Variants in GPC6 observed in about 807,000 individuals in gnomAD.
GPC6 encodes the protein glypican-6.
GPC6 carries 14 observed loss-of-function variants against 55.2 expected under a neutral mutation model. The ratio of observed to expected loss-of-function variants is 0.25; its 90% CI spans 0.17 to 0.40. GPC6 has a LOEUF of 0.40. Ranked by LOEUF, GPC6 falls within the 10% of genes least tolerant of loss-of-function variation. The probability of loss-of-function intolerance (pLI) is 1.00; values close to 1 mark genes in which losing one functional copy is unlikely to be tolerated. For missense variants in GPC6, 641 were observed against 708.5 expected, an observed-to-expected ratio of 0.90 and a Z score of 1.08; for synonymous variants, 278 against 259.6, an observed-to-expected ratio of 1.07 and a Z score of -0.68.
At chr13:94,139,736 A>G (rs140529392) in intron 4 of GPC6, among the ~76,000 whole-genome samples, 1 of 152,258 alleles carries the variant, frequency 6.6e-6, no homozygotes, top group Non-Finnish European at 1.5e-5. Flanking sequence ...TAATGCTGGT[A>G]TATGATGAGG....
At chr13:93,542,960 T>G (rs912473764) in intron 1 of GPC6, among the ~76,000 whole-genome samples, 11 of 152,336 alleles carry the variant, frequency 7.2e-5, no homozygotes, top group South Asian at 4.1e-4. Context: ...TACAGTCATG[T>G]CTTCTGCAAA....
chr13:93,754,146 T>G (rs909218188), intron 2 of GPC6, among the ~76,000 whole-genome samples: 3 of 152,200 alleles, frequency 2.0e-5, no homozygotes, highest in Non-Finnish European at 4.4e-5. Context: ...ATTTTCAAAC[T>G]TTCTCCTCTT....
chr13:93,682,380 T>A (rs7326866), intron 2 of GPC6, among the ~76,000 whole-genome samples: 1 of 152,044 alleles, frequency 6.6e-6, no homozygotes, highest in Admixed American at 6.5e-5. Context: ...CAGCCATGAG[T>A]GCGACTGGAC....
intron 3 of GPC6, among the ~76,000 whole-genome samples, chr13:93,910,100 G>C (rs1876887300): frequency 1.3e-5 from 2 of 151,816 alleles, no homozygotes; most frequent in African/African-American, 4.8e-5. Flanking sequence ...TGTGTGATAT[G>C]GTTTGGCTGT....
intron 3 of GPC6, among the ~76,000 whole-genome samples, chr13:93,841,553 T>G (rs2138998118): frequency 6.6e-6 from 1 of 152,280 alleles, no homozygotes; most frequent in East Asian, 1.9e-4. Flanking sequence ...TTTTTGTGTC[T>G]AAATCAAATA....
intron 4 of GPC6, among the ~76,000 whole-genome samples, chr13:94,142,695 A>AATTATAT (rs1220272868): frequency 6.6e-6 from 1 of 152,150 alleles, no homozygotes; most frequent in Non-Finnish European, 1.5e-5. Flanking sequence ...TAGCTTACAG[A>AATTATAT]ATATTATCTA....
In GPC6 at chr13:93,824,440, A is replaced by G. The variant is rs180851365; in HGVS notation, c.320-5714A>G. The stretch of plus-strand genomic sequence containing the variant: ...TAGTATGTGAGTGAATGTGAGTGCA[A>G]TCAGCTTGGTGAGATAATGCACTAT... On this transcript the variant is annotated intron_variant, in intron 2 of 8. Coordinates refer to ENST00000377047, the MANE Select transcript of GPC6 (RefSeq NM_005708.5). Among the ~76,000 whole-genome samples, 24 of 152,320 alleles carry G rather than the reference A, an allele frequency of 1.6e-4. No individual in the cohort carries two copies. The East Asian group carries it at 3.9e-3, about 24-fold the overall frequency.
At chr13:93,915,041 C>G (rs1182449310) in intron 3 of GPC6, among the ~76,000 whole-genome samples, 1 of 152,152 alleles carries the variant, frequency 6.6e-6, no homozygotes, top group Non-Finnish European at 1.5e-5. Context: ...AAATAATCTT[C>G]CCTTTCAATG....
chr13:94,006,434 G>A (rs750362025), intron 3 of GPC6, among the ~76,000 whole-genome samples: 5 of 152,148 alleles, frequency 3.3e-5, no homozygotes, highest in African/African-American at 7.2e-5. Context: ...AAGCAGATGC[G>A]CTCCTCAGCA....
At chr13:94,172,548 A>C (rs1234717907) in intron 4 of GPC6, among the ~76,000 whole-genome samples, 1 of 152,230 alleles carries the variant, frequency 6.6e-6, no homozygotes, top group African/African-American at 2.4e-5. Context: ...AGTTTTCTTG[A>C]AACTCAGCCA....
At chr13:93,676,168 TACATACAC>T (rs1445464542) in intron 2 of GPC6, among the ~76,000 whole-genome samples, 1 of 39,452 alleles carries the variant, frequency 2.5e-5, no homozygotes, top group African/African-American at 8.7e-5. Context: ...TATATATATA[TACATACAC>T]ACACACACAC....
chr13:93,552,930 A>T (rs1875236786), intron 2 of GPC6, among the ~76,000 whole-genome samples: 1 of 152,200 alleles, frequency 6.6e-6, no homozygotes, highest in Non-Finnish European at 1.5e-5. Flanking sequence ...GAGAAAACTT[A>T]TTTTCTTATT....
chr13:94,370,621 G>A (rs146108582), intron 6 of GPC6, among the ~76,000 whole-genome samples: 4 of 152,232 alleles, frequency 2.6e-5, no homozygotes, highest in Middle Eastern at 3.4e-3. Context: ...AATCGATTTC[G>A]TTGAATGTTA....
At chr13:93,507,564 G>A (rs1411930896) in intron 1 of GPC6, among the ~76,000 whole-genome samples, 1 of 152,090 alleles carries the variant, frequency 6.6e-6, no homozygotes, top group African/African-American at 2.4e-5. Context: ...TCAGTATTAT[G>A]GATAATGATA....
intron 3 of GPC6, among the ~76,000 whole-genome samples, chr13:93,920,380 C>T (rs9561470): frequency 0.15 from 22,067 of 152,050 alleles, 1,854 homozygotes; most frequent in Middle Eastern, 0.26. Context: ...ATAAATGACT[C>T]TCACCTTACC....
intron 1 of GPC6, among the ~76,000 whole-genome samples, chr13:93,397,331 T>C (rs1468674133): frequency 6.6e-6 from 1 of 152,200 alleles, no homozygotes; most frequent in African/African-American, 2.4e-5. Flanking sequence ...TCTTCCTTTT[T>C]TTGGTATAGC....
chr13:93,593,972 T>A (rs957934511), intron 2 of GPC6, among the ~76,000 whole-genome samples: 4 of 152,134 alleles, frequency 2.6e-5, no homozygotes, highest in African/African-American at 9.7e-5. Flanking sequence ...ACCATTCATA[T>A]AAATAGGGAC....
chr13:94,029,033 G>A (rs17195890), intron 4 of GPC6, among the ~76,000 whole-genome samples: 19,346 of 152,202 alleles, frequency 0.13, 1,581 homozygotes, highest in South Asian at 0.26. Context: ...GAGGGCCTTC[G>A]TCATTTATGC....
At chr13:93,275,408 G>C (rs560555607) in intron 1 of GPC6, among the ~76,000 whole-genome samples, 1 of 151,970 alleles carries the variant, frequency 6.6e-6, no homozygotes, top group Non-Finnish European at 1.5e-5. Flanking sequence ...AGAATACTAT[G>C]TTTGACTAGA....
Sources: allele counts gnomAD v4.1 joint callset (sites outside exome capture counted in the v4.1 genomes callset), GRCh38; gene constraint gnomAD v4.1.1; transcripts MANE v1.5; gene names NCBI Gene and HGNC (gene_info 2026-07-23, HGNC 2026-07-21).